The following PLCB1 variants were observed in gnomAD, a reference collection of about 807,000 sequenced individuals.
PLCB1 encodes the protein 1-phosphatidylinositol 4,5-bisphosphate phosphodiesterase beta-1.
In PLCB1, 46 loss-of-function variants were observed where a neutral mutation model predicts 161.8. The ratio of observed to expected loss-of-function variants is 0.28; its 90% CI spans 0.22 to 0.36. PLCB1 has a LOEUF of 0.36. Among genes scored for constraint, PLCB1 ranks in the 10% least tolerant of loss-of-function variants. The pLI is 1.00. For synonymous variants in PLCB1, 517 were observed against 503.7 expected, an observed-to-expected ratio of 1.03 and a Z score of -0.35; for missense variants, 1,016 against 1,472.5, an observed-to-expected ratio of 0.69 and a Z score of 5.07.
chr20:8,221,993 C>T (rs1006795745), intron 2 of PLCB1, among the ~76,000 whole-genome samples: 3 of 152,134 alleles, frequency 2.0e-5, no homozygotes, highest in South Asian at 2.1e-4. Context: ...TACTATATCT[C>T]ATCATATAGA....
intron 3 of PLCB1, among the ~76,000 whole-genome samples, chr20:8,450,085 C>T (rs575534315): frequency 7.2e-5 from 11 of 152,274 alleles, no homozygotes; most frequent in East Asian, 3.9e-4. Context: ...AGCATGACCC[C>T]GTTGAAGTCT....
intron 9 of PLCB1, among the ~76,000 whole-genome samples, chr20:8,667,151 A>G (rs2123350325): frequency 6.6e-6 from 1 of 152,336 alleles, no homozygotes; most frequent in South Asian, 2.1e-4. Flanking sequence ...AAAGACAAAA[A>G]CAGAGGAAAA....
chr20:8,699,392 C>T (rs1287048287), intron 11 of PLCB1, among the ~76,000 whole-genome samples: 1 of 152,204 alleles, frequency 6.6e-6, no homozygotes, highest in Non-Finnish European at 1.5e-5. Context: ...GATGAAGAAA[C>T]TGTGTGCCAC....
At chr20:8,333,868 T>TTCTCAATTC (rs1470726649) in intron 2 of PLCB1, among the ~76,000 whole-genome samples, 9 of 152,236 alleles carry the variant, frequency 5.9e-5, no homozygotes, top group African/African-American at 1.4e-4. Context: ...ACTGTTTTGG[T>TTCTCAATTC]TCTCAATTCG....
At chr20:8,500,881 AGT>A (rs1432988700) in intron 3 of PLCB1, among the ~76,000 whole-genome samples, 1 of 152,210 alleles carries the variant, frequency 6.6e-6, no homozygotes, top group Non-Finnish European at 1.5e-5. Context: ...CCTAACTTGT[AGT>A]AGGGTGGTCA....
intron 26 of PLCB1, among the ~76,000 whole-genome samples, chr20:8,772,367 C>A (rs1469844515): frequency 6.6e-6 from 1 of 152,188 alleles, no homozygotes; most frequent in Non-Finnish European, 1.5e-5. Flanking sequence ...CTGTGTTGCT[C>A]TTAAGAGCAC....
intron 2 of PLCB1, among the ~76,000 whole-genome samples, chr20:8,359,260 C>T (rs1002328332): frequency 4.6e-5 from 7 of 151,910 alleles, no homozygotes; most frequent in African/African-American, 1.7e-4. Context: ...AAAAATTATC[C>T]TTATTCATTT....
intron 3 of PLCB1, among the ~76,000 whole-genome samples, chr20:8,394,502 A>C (rs1244555582): frequency 6.6e-6 from 1 of 152,140 alleles, no homozygotes; most frequent in African/African-American, 2.4e-5. Context: ...GGGGAACAGC[A>C]GTGGTTAAGA....
chr20:8,861,268 T>C (rs957042178), intron 31 of PLCB1, among the ~76,000 whole-genome samples: 3 of 152,258 alleles, frequency 2.0e-5, no homozygotes, highest in African/African-American at 7.2e-5. Context: ...CTTGTGTGTT[T>C]GTATTAATGA....
intron 3 of PLCB1, among the ~76,000 whole-genome samples, chr20:8,617,040 C>T (rs1257083755): frequency 1.3e-5 from 2 of 152,080 alleles, no homozygotes; most frequent in African/African-American, 2.4e-5. Context: ...AAGAAGAAAG[C>T]CAGATGGGAG....
chr20:8,280,617 T>G (rs1982830466), intron 2 of PLCB1, among the ~76,000 whole-genome samples: 1 of 152,176 alleles, frequency 6.6e-6, no homozygotes, highest in African/African-American at 2.4e-5. Flanking sequence ...TATATAAATA[T>G]AAAAACAAGT....
At chr20:8,281,179 A>C (rs1982858448) in intron 2 of PLCB1, among the ~76,000 whole-genome samples, 1 of 152,224 alleles carries the variant, frequency 6.6e-6, no homozygotes, top group Non-Finnish European at 1.5e-5. Context: ...TTTAGCACTC[A>C]AAACAATGTC....
chr20:8,614,868 A>C (rs1350756958), intron 3 of PLCB1, among the ~76,000 whole-genome samples: 1 of 152,066 alleles, frequency 6.6e-6, no homozygotes, highest in African/African-American at 2.4e-5. Flanking sequence ...GTTCTCCACC[A>C]TGTTTTTAAT....
rs568219216 is a variant in PLCB1 at position 8,447,374 on chromosome 20, A to G, written c.246+75924A>G. Among the ~76,000 whole-genome samples the G allele has an allele frequency of 4.6e-5, 7 of 152,320 alleles. No individual in the cohort carries two copies. In the East Asian group the frequency reaches 9.6e-4, roughly 21 times the overall value. On this transcript the variant is annotated intron_variant, in intron 3 of 31. Coordinates refer to ENST00000338037, the MANE Select transcript of PLCB1 (RefSeq NM_015192.4). ...TCTCTGAAATGGGAGACCTAAGACCATGGGAATACTCATTAAGTGAATGTA... is the reference window on the plus strand; with the variant it reads ...TCTCTGAAATGGGAGACCTAAGACCGTGGGAATACTCATTAAGTGAATGTA...
chr20:8,851,071 T>G (rs538122026), intron 31 of PLCB1, among the ~76,000 whole-genome samples: 1 of 152,204 alleles, frequency 6.6e-6, no homozygotes, highest in Non-Finnish European at 1.5e-5. Flanking sequence ...TAAGGAGATA[T>G]CCTTTAAAAA....
rs138876840 is a variant in PLCB1 at position 8,659,046 on chromosome 20, G to C, written c.862+342G>C. Among the ~76,000 whole-genome samples, 1,077 of 152,170 alleles carry C rather than the reference G, an allele frequency of 7.1e-3. 5 individuals are homozygous for C. Among genetic ancestry groups the C allele is most frequent in the Middle Eastern group, 0.037 (11 of 294 alleles). On this transcript the variant is annotated intron_variant, in intron 9 of 31. Transcript: ENST00000338037. The stretch of plus-strand genomic sequence containing the variant: ...CTTTTGTCTTTTTCTAGTAAGTTCT[G>C]TGAAGTGGCCCACAAGTTTTTCTAA...
At chr20:8,876,364 A>G (rs1987780278) in intron 31 of PLCB1, among the ~76,000 whole-genome samples, 1 of 152,202 alleles carries the variant, frequency 6.6e-6, no homozygotes, top group South Asian at 2.1e-4. Flanking sequence ...TATGCTAGAA[A>G]GGCTCCAAGG....
intron 2 of PLCB1, among the ~76,000 whole-genome samples, chr20:8,259,632 A>C (rs1178048991): frequency 6.6e-6 from 1 of 152,042 alleles, no homozygotes; most frequent in Non-Finnish European, 1.5e-5. Context: ...TAAATAATAT[A>C]AAGTCTCCAC....
intron 9 of PLCB1, among the ~76,000 whole-genome samples, chr20:8,668,922 T>C (rs1415532412): frequency 1.3e-5 from 2 of 152,368 alleles, no homozygotes; most frequent in Admixed American, 6.5e-5. Context: ...TCCTTCAAAG[T>C]ACCTGATGCT....
Sources: gnomAD v4.1 joint callset for allele counts (sites outside exome capture counted in the v4.1 genomes callset) on GRCh38, gnomAD v4.1.1 for gene constraint, MANE v1.5 for transcripts, NCBI Gene and HGNC (gene_info 2026-07-23, HGNC 2026-07-21) for gene names.